The following LDB2 variants were observed in gnomAD, a reference collection of about 807,000 sequenced individuals.
LDB2 encodes the protein LIM domain binding 2, also known as LIM domain-binding protein 2.
In LDB2, 12 loss-of-function variants were observed where a neutral mutation model predicts 44.3. The ratio of observed to expected loss-of-function variants is 0.27; its 90% CI spans 0.17 to 0.44. LDB2 has a LOEUF of 0.44. Ranked by LOEUF, LDB2 falls within the 20% of genes least tolerant of loss-of-function variation. The pLI is 1.00. For synonymous variants in LDB2, 164 were observed against 174.8 expected (o/e 0.94, Z 0.49); for missense variants, 344 against 473.5 (o/e 0.73, Z 2.54).
intron 3 of LDB2, among the ~76,000 whole-genome samples, chr4:16,594,094 T>G (rs1038929960): frequency 6.6e-6 from 1 of 152,070 alleles, no homozygotes; most frequent in African/African-American, 2.4e-5. Context: ...CATGGATTTT[T>G]TTTTTCCCCT....
intron 2 of LDB2, among the ~76,000 whole-genome samples, chr4:16,718,575 CA>C: frequency 6.6e-6 from 1 of 152,230 alleles, no homozygotes; most frequent in Non-Finnish European, 1.5e-5. Context: ...TGTCATTTCT[CA>C]AAGTTTGCCC....
chr4:16,869,522 C>A (rs151155487), intron 1 of LDB2, among the ~76,000 whole-genome samples: 120 of 152,236 alleles, frequency 7.9e-4, no homozygotes, highest in African/African-American at 2.7e-3. Context: ...AACACCAATA[C>A]AAGGCAGTTA....
intron 2 of LDB2, among the ~76,000 whole-genome samples, chr4:16,641,190 G>A (rs539069385): frequency 2.0e-5 from 3 of 152,198 alleles, no homozygotes; most frequent in Non-Finnish European, 4.4e-5. Context: ...AAATGAAAAG[G>A]CCATTTTAGG....
chr4:16,784,261 A>G (rs1468109372), intron 1 of LDB2, among the ~76,000 whole-genome samples: 1 of 152,194 alleles, frequency 6.6e-6, no homozygotes, highest in Admixed American at 6.5e-5. Flanking sequence ...TGTCAGAGCT[A>G]CAAGGCCAAC....
At chr4:16,842,780 G>A (rs546732882) in intron 1 of LDB2, among the ~76,000 whole-genome samples, 19 of 152,264 alleles carry the variant, frequency 1.2e-4, no homozygotes, top group South Asian at 4.1e-4. Flanking sequence ...AGCGATTTGC[G>A]TAGTAGTTAA....
At chr4:16,702,072 C>T (rs1008113280) in intron 2 of LDB2, among the ~76,000 whole-genome samples, 7 of 152,042 alleles carry the variant, frequency 4.6e-5, no homozygotes, top group Admixed American at 6.5e-5. Context: ...ATTTATAGCT[C>T]AAGAGTTCCA....
intron 7 of LDB2, chr4:16,506,929 A>G (rs1397772036): frequency 1.3e-5 from 2 of 152,222 alleles, no homozygotes; most frequent in Non-Finnish European, 2.9e-5. Context: ...GAGGAAACTA[A>G]CGAATGTTAC....
intron 3 of LDB2, among the ~76,000 whole-genome samples, chr4:16,594,787 A>G (rs1038863710): frequency 7.2e-5 from 11 of 152,214 alleles, no homozygotes; most frequent in Admixed American, 4.6e-4. Context: ...GAGCGTTGTC[A>G]TTTGTGTTTT....
chr4:16,873,204 A>G (rs1717236601), intron 1 of LDB2, among the ~76,000 whole-genome samples: 1 of 152,202 alleles, frequency 6.6e-6, no homozygotes, highest in Admixed American at 6.5e-5. Context: ...TCATATTTGG[A>G]TAGTGGAGGT....
chr4:16,798,035 G>GA (rs371276215), intron 1 of LDB2, among the ~76,000 whole-genome samples: 849 of 71,664 alleles, frequency 0.012, 4 homozygotes, highest in Middle Eastern at 0.068. Flanking sequence ...ACTCTGTCTC[G>GA]AAAAAAAAAA....
At chr4:16,826,243 G>T (rs1783049181) in intron 1 of LDB2, among the ~76,000 whole-genome samples, 1 of 152,166 alleles carries the variant, frequency 6.6e-6, no homozygotes. Context: ...TAATTGGACA[G>T]GTTGATTTTA....
intron 1 of LDB2, among the ~76,000 whole-genome samples, chr4:16,829,843 A>G (rs1278534941): frequency 1.3e-5 from 2 of 152,202 alleles, no homozygotes; most frequent in Admixed American, 6.5e-5. Flanking sequence ...GCGGTGGCTC[A>G]CGCCTGTAAT....
chr4:16,705,923 A>C (rs1266973803), intron 2 of LDB2, among the ~76,000 whole-genome samples: 3 of 152,234 alleles, frequency 2.0e-5, no homozygotes, highest in African/African-American at 7.2e-5. Flanking sequence ...CAAAATACAT[A>C]TGAGATTACC....
At chr4:16,680,440 A>T (rs919466322) in intron 2 of LDB2, among the ~76,000 whole-genome samples, 1 of 152,050 alleles carries the variant, frequency 6.6e-6, no homozygotes, top group Non-Finnish European at 1.5e-5. Context: ...CCTTCTCAAA[A>T]CTCACTATGT....
At chr4:16,819,092 T>TTGTG (rs34553159) in intron 1 of LDB2, among the ~76,000 whole-genome samples, 196 of 148,960 alleles carry the variant, frequency 1.3e-3, no homozygotes, top group African/African-American at 4.3e-3. Flanking sequence ...TTGTGGTTGC[T>TTGTG]TGTGTGTGTG....
intron 5 of LDB2, among the ~76,000 whole-genome samples, chr4:16,555,371 G>A (rs527673121): frequency 3.3e-5 from 5 of 152,232 alleles, no homozygotes; most frequent in East Asian, 1.9e-4. Context: ...ACCGCCCTGC[G>A]AATGCCTCAA....
chr4:16,729,352 G>A (rs1184468236), intron 2 of LDB2, among the ~76,000 whole-genome samples: 3 of 152,068 alleles, frequency 2.0e-5, no homozygotes, highest in Non-Finnish European at 4.4e-5. Flanking sequence ...ACGCACATTT[G>A]CTTACAGGGG....
intron 2 of LDB2, among the ~76,000 whole-genome samples, chr4:16,635,866 CGGTCTATAGTATA>C (rs1450465270): frequency 6.6e-6 from 1 of 152,080 alleles, no homozygotes; most frequent in Admixed American, 6.5e-5. Context: ...TCAGGGCTCA[CGGTCTATAGTATA>C]GGTGAAATGT....
intron 1 of LDB2, among the ~76,000 whole-genome samples, chr4:16,778,344 TG>T (rs989631442): frequency 8.5e-5 from 13 of 152,176 alleles, no homozygotes; most frequent in Non-Finnish European, 2.9e-5. Context: ...AGCTATATCA[TG>T]TCTACGAAAC....
Sources: allele counts gnomAD v4.1 joint callset (sites outside exome capture counted in the v4.1 genomes callset), GRCh38; gene constraint gnomAD v4.1.1; transcripts MANE v1.5; gene names NCBI Gene and HGNC (gene_info 2026-07-23, HGNC 2026-07-21).